FER: variants seen among roughly 807,000 people sequenced by gnomAD.
The protein encoded by FER is tyrosine-protein kinase Fer.
FER carries 63 observed loss-of-function variants against 111.0 expected under a neutral mutation model. The ratio of observed to expected loss-of-function variants is 0.57; its 90% CI spans 0.46 to 0.70. The LOEUF is 0.70. FER is among the 30% of genes least tolerant of loss of function. FER has a pLI of 0.00. For synonymous variants in FER, 327 were observed against 313.9 expected (o/e 1.04, Z -0.44); for missense variants, 914 against 954.0 (o/e 0.96, Z 0.55).
rs187073618 is a variant in FER, at chr5:109,176,181, G to A, written c.2049-4566G>A. ...AAGGAAAGAAACCCAGTATATCAAA[G>A]GGATACCTATGTTTATTAAAGCACT... On this transcript the variant is annotated intron_variant, in intron 17 of 19. Transcript: ENST00000281092. 2.2e-3 allele frequency among the ~76,000 whole-genome samples: 332 copies of A among 152,152 alleles called. 3 individuals carry two copies. Among genetic ancestry groups the A allele is most frequent in the African/African-American group, 7.5e-3 (312 of 41,510 alleles).
intron 13 of FER, among the ~76,000 whole-genome samples, chr5:108,968,950 A>C (rs1760262313): frequency 1.3e-5 from 2 of 152,144 alleles, no homozygotes; most frequent in African/African-American, 4.8e-5. Flanking sequence ...CCCCATTCTC[A>C]GTAAAATAAA....
chr5:109,011,771 G>A (rs774665937), intron 13 of FER, among the ~76,000 whole-genome samples: 2 of 152,098 alleles, frequency 1.3e-5, no homozygotes, highest in African/African-American at 2.4e-5. Flanking sequence ...CAGATTCAGG[G>A]CTGCTTCCTC....
At chr5:109,146,265 T>TATTATCTATCTA (rs1561953952) in intron 17 of FER, among the ~76,000 whole-genome samples, 1 of 87,280 alleles carries the variant, frequency 1.1e-5, no homozygotes, top group African/African-American at 4.9e-5. Flanking sequence ...TATATATATA[T>TATTATCTATCTA]ATATATATAT....
At chr5:109,028,880 C>T (rs76288918) in intron 13 of FER, among the ~76,000 whole-genome samples, 16,874 of 152,004 alleles carry the variant, frequency 0.11, 1,040 homozygotes, top group Non-Finnish European at 0.14. Flanking sequence ...AAAGTTCTTA[C>T]CAGGGGCTGA....
intron 9 of FER, among the ~76,000 whole-genome samples, chr5:108,895,125 A>G (rs922038306): frequency 1.3e-5 from 2 of 152,212 alleles, no homozygotes; most frequent in Admixed American, 1.3e-4. Flanking sequence ...GTGAAATAAC[A>G]GTAAAGCATA....
At chr5:108,946,955 C>A (rs781469174) in intron 11 of FER, among the ~76,000 whole-genome samples, 3 of 151,910 alleles carry the variant, frequency 2.0e-5, no homozygotes, top group Non-Finnish European at 4.4e-5. Context: ...CAATATGTGA[C>A]CTTTTGCATG....
chr5:108,946,277 C>T, intron 11 of FER, 55 bp downstream of exon 11: 1 of 1,126,126 alleles, frequency 8.9e-7, no homozygotes, highest in Non-Finnish European at 1.3e-6. Flanking sequence ...TAGCTTCTTT[C>T]TGATGCACTA....
chr5:109,090,191 G>A (rs956401534), intron 16 of FER, among the ~76,000 whole-genome samples: 1 of 152,102 alleles, frequency 6.6e-6, no homozygotes, highest in Non-Finnish European at 1.5e-5. Context: ...CAGAACCTGC[G>A]GTAGTACAGC....
At chr5:108,850,290 A>G (rs993008737) in intron 5 of FER, among the ~76,000 whole-genome samples, 20 of 151,022 alleles carry the variant, frequency 1.3e-4, no homozygotes, top group African/African-American at 4.6e-4. Context: ...TCTGTATGAT[A>G]TCTATAATAT....
At chr5:108,904,599 C>T (rs1004542907) in intron 10 of FER, among the ~76,000 whole-genome samples, 5 of 152,090 alleles carry the variant, frequency 3.3e-5, no homozygotes, top group African/African-American at 9.7e-5. Flanking sequence ...AATCATTGAG[C>T]GTTCTGAGTG....
chr5:109,058,294 T>C (rs1334103684), intron 16 of FER, among the ~76,000 whole-genome samples: 1 of 152,118 alleles, frequency 6.6e-6, no homozygotes, highest in Non-Finnish European at 1.5e-5. Context: ...CCCCTTTATA[T>C]CAGAAATAAG....
At chr5:108,824,952 A>C (rs1337869796) in intron 3 of FER, among the ~76,000 whole-genome samples, 1 of 152,160 alleles carries the variant, frequency 6.6e-6, no homozygotes, top group African/African-American at 2.4e-5. Context: ...GATGCCCACA[A>C]GCCACAAAAA....
intron 17 of FER, among the ~76,000 whole-genome samples, chr5:109,117,501 T>A (rs530208908): frequency 6.6e-6 from 1 of 152,280 alleles, no homozygotes; most frequent in African/African-American, 2.4e-5. Context: ...TAAATTTTTA[T>A]AATAATTTGC....
chr5:109,009,186 C>T (rs572520986), intron 13 of FER, among the ~76,000 whole-genome samples: 28 of 151,610 alleles, frequency 1.8e-4, no homozygotes, highest in African/African-American at 6.5e-4. Flanking sequence ...TAGGTGCACA[C>T]CACCATGCCT....
At chr5:109,137,064 T>C (rs1056547499) in intron 17 of FER, among the ~76,000 whole-genome samples, 1 of 151,924 alleles carries the variant, frequency 6.6e-6, no homozygotes, top group African/African-American at 2.4e-5. Flanking sequence ...AGTCTCTTAG[T>C]TTACTTAAGA....
At chr5:108,781,336 G>A (rs1295709275) in intron 2 of FER, among the ~76,000 whole-genome samples, 1 of 152,036 alleles carries the variant, frequency 6.6e-6, no homozygotes, top group Non-Finnish European at 1.5e-5. Flanking sequence ...GATTACAGGC[G>A]CCTGCTTACC....
chr5:108,897,023 G>A (rs1455652180), intron 9 of FER, among the ~76,000 whole-genome samples: 2 of 152,142 alleles, frequency 1.3e-5, no homozygotes, highest in Non-Finnish European at 2.9e-5. Flanking sequence ...GGGTTAAAAA[G>A]TCACAGTAAG....
chr5:108,909,504 G>C (rs1333277794), intron 10 of FER, among the ~76,000 whole-genome samples: 1 of 152,058 alleles, frequency 6.6e-6, no homozygotes, highest in Non-Finnish European at 1.5e-5. Flanking sequence ...TTGTTCCTTG[G>C]AAGGAGAAAC....
intron 16 of FER, among the ~76,000 whole-genome samples, chr5:109,082,514 T>TGTAAG (rs1438971711): frequency 6.6e-6 from 1 of 152,020 alleles, no homozygotes; most frequent in African/African-American, 2.4e-5. Context: ...AATACTTACA[T>TGTAAG]TATTATTAAG....
Sources: allele counts gnomAD v4.1 joint callset (sites outside exome capture counted in the v4.1 genomes callset), GRCh38; gene constraint gnomAD v4.1.1; transcripts MANE v1.5; gene names NCBI Gene and HGNC (gene_info 2026-07-23, HGNC 2026-07-21).